Variants in FRMD4A observed in about 807,000 individuals in gnomAD.
FRMD4A encodes the protein FERM domain-containing protein 4A.
In FRMD4A, 29 loss-of-function variants were observed where a neutral mutation model predicts 129.1. The ratio of observed to expected loss-of-function variants is 0.22; its 90% CI spans 0.17 to 0.31. The LOEUF (loss-of-function observed/expected upper bound fraction) is 0.31, where lower values mean the gene tolerates loss of function less well. Among genes scored for constraint, FRMD4A ranks in the 10% least tolerant of loss-of-function variants. The pLI, the probability that FRMD4A is intolerant of heterozygous loss-of-function variation, is 1.00. For synonymous variants in FRMD4A, 634 were observed against 571.6 expected, an observed-to-expected ratio of 1.11 and a Z score of -1.56; for missense variants, 1,272 against 1,375.8, an observed-to-expected ratio of 0.92 and a Z score of 1.19.
intron 6 of FRMD4A, among the ~76,000 whole-genome samples, chr10:13,776,924 C>T (rs1246334599): frequency 6.6e-6 from 1 of 152,208 alleles, no homozygotes; most frequent in Non-Finnish European, 1.5e-5. Context: ...AAACTCGGGT[C>T]TAAATCCAAC....
At chr10:13,817,787 T>C (rs1409729018) in intron 3 of FRMD4A, among the ~76,000 whole-genome samples, 1 of 152,208 alleles carries the variant, frequency 6.6e-6, no homozygotes, top group Non-Finnish European at 1.5e-5. Context: ...AGGTATGTCT[T>C]TATTAGCAGC....
intron 2 of FRMD4A, among the ~76,000 whole-genome samples, chr10:14,020,704 A>G (rs1362015862): frequency 6.6e-6 from 1 of 152,128 alleles, no homozygotes; most frequent in Non-Finnish European, 1.5e-5. Context: ...ATGCTAGGGA[A>G]GCCAGCAGGA....
At chr10:14,311,033 T>A (rs1467938392) in intron 2 of FRMD4A, among the ~76,000 whole-genome samples, 1 of 152,126 alleles carries the variant, frequency 6.6e-6, no homozygotes, top group Non-Finnish European at 1.5e-5. Context: ...AGACCCTCAA[T>A]GAGAGCTTAC....
chr10:13,747,663 T>G (rs1588537680), intron 9 of FRMD4A, 73 bp downstream of exon 9: 1 of 785,778 alleles, frequency 1.3e-6, no homozygotes, highest in Non-Finnish European at 2.3e-6. Context: ...GGAGGGAGGG[T>G]ACATTCAGTT....
intron 15 of FRMD4A, among the ~76,000 whole-genome samples, chr10:13,687,877 G>A (rs903380955): frequency 6.6e-6 from 1 of 152,178 alleles, no homozygotes; most frequent in Non-Finnish European, 1.5e-5. Context: ...GGGGAGGTGA[G>A]AATTTCATTC....
intron 5 of FRMD4A, among the ~76,000 whole-genome samples, chr10:13,783,611 G>C (rs1268195159): frequency 6.7e-6 from 1 of 150,300 alleles, no homozygotes; most frequent in African/African-American, 2.5e-5. Flanking sequence ...CAAATTATCT[G>C]CCCACCTCAG....
chr10:13,993,543 G>A (rs12766623), intron 2 of FRMD4A, among the ~76,000 whole-genome samples: 1 of 152,028 alleles, frequency 6.6e-6, no homozygotes, highest in Non-Finnish European at 1.5e-5. Context: ...TATACCTCTA[G>A]GTGGTAGGGT....
intron 2 of FRMD4A, among the ~76,000 whole-genome samples, chr10:14,204,178 CTT>C (rs1310147666): frequency 6.6e-6 from 1 of 152,104 alleles, no homozygotes. Context: ...AATCCTGACA[CTT>C]TGGGAGGCCG....
chr10:14,300,432 C>G (rs1846147677), intron 2 of FRMD4A, among the ~76,000 whole-genome samples: 1 of 152,160 alleles, frequency 6.6e-6, no homozygotes, highest in South Asian at 2.1e-4. Context: ...AAATTCCAAG[C>G]CCCACTCTTA....
Position 13,858,923 on chromosome 10 carries a change from A to G in FRMD4A, c.46-11T>C. The G allele has an allele frequency of 5.1e-6, 8 of 1,553,502 alleles. No homozygotes were observed. The highest frequency in any genetic ancestry group is 7.1e-6 in the Non-Finnish European group (8 of 1,124,884). ...GCGGCCCTCCGTCATCTAAGAGGGA[A>G]GAGAAATGGTAGTCACTGAGAGTCT... On this transcript the variant is annotated splice_polypyrimidine_tract_variant and intron_variant, in intron 2 of 24. Coordinates refer to ENST00000357447, the MANE Select transcript of FRMD4A (RefSeq NM_018027.5).
intron 12 of FRMD4A, among the ~76,000 whole-genome samples, chr10:13,714,751 C>T (rs977609361): frequency 1.3e-5 from 2 of 152,100 alleles, no homozygotes; most frequent in African/African-American, 4.8e-5. Context: ...AGAAGTGCCG[C>T]ACTGCAGGCT....
intron 2 of FRMD4A, among the ~76,000 whole-genome samples, chr10:14,222,526 C>G (rs1465893192): frequency 6.6e-6 from 1 of 152,132 alleles, no homozygotes; most frequent in Non-Finnish European, 1.5e-5. Context: ...ACCAGGCCAT[C>G]TGTAACAGCA....
intron 2 of FRMD4A, among the ~76,000 whole-genome samples, chr10:14,237,594 G>T (rs1843873170): frequency 6.6e-6 from 1 of 152,186 alleles, no homozygotes; most frequent in Admixed American, 6.5e-5. Context: ...GACTCCAAAA[G>T]TGCTCGGATT....
intron 2 of FRMD4A, among the ~76,000 whole-genome samples, chr10:14,298,565 A>C (rs1185631809): frequency 1.3e-5 from 2 of 152,114 alleles, no homozygotes; most frequent in African/African-American, 4.8e-5. Context: ...ACGAGTGTAG[A>C]TTTTTATGTG....
At chr10:13,777,236 C>G (rs2092616710) in intron 6 of FRMD4A, among the ~76,000 whole-genome samples, 1 of 152,264 alleles carries the variant, frequency 6.6e-6, no homozygotes, top group East Asian at 1.9e-4. Flanking sequence ...AGTCCTTTGT[C>G]TCTGAGTCAC....
intron 2 of FRMD4A, among the ~76,000 whole-genome samples, chr10:14,121,687 G>A (rs980012847): frequency 4.6e-5 from 7 of 152,168 alleles, no homozygotes; most frequent in African/African-American, 9.7e-5. Flanking sequence ...TTTACTGGTC[G>A]GGCCTGAAAA....
chr10:14,085,145 T>G (rs560149459), intron 2 of FRMD4A, among the ~76,000 whole-genome samples: 1 of 152,292 alleles, frequency 6.6e-6, no homozygotes, highest in African/African-American at 2.4e-5. Context: ...GTTCATCACA[T>G]GCTCTGGAAA....
At chr10:13,727,899 A>C (rs1156782060) in intron 12 of FRMD4A, 1 of 149,162 alleles carries the variant, frequency 6.7e-6, no homozygotes, top group Non-Finnish European at 1.5e-5. Context: ...TAGTGCTCGA[A>C]CACTATTGCT....
intron 2 of FRMD4A, among the ~76,000 whole-genome samples, chr10:14,231,703 T>A (rs1341351525): frequency 1.3e-5 from 2 of 152,226 alleles, no homozygotes; most frequent in Non-Finnish European, 2.9e-5. Flanking sequence ...TTTTTTCTTA[T>A]GTGTGTTGGC....
Sources: gnomAD v4.1 joint callset for allele counts (sites outside exome capture counted in the v4.1 genomes callset) on GRCh38, gnomAD v4.1.1 for gene constraint, MANE v1.5 for transcripts, NCBI Gene and HGNC (gene_info 2026-07-23, HGNC 2026-07-21) for gene names.